Variants in NUP93 observed in about 807,000 individuals in gnomAD.
NUP93 encodes nucleoporin 93.
A neutral mutation model predicts 107.8 loss-of-function variants in NUP93; 55 were observed. The ratio of observed to expected loss-of-function variants is 0.51; its 90% CI spans 0.41 to 0.64. The LOEUF (loss-of-function observed/expected upper bound fraction) is 0.64. NUP93 is among the 30% of genes least tolerant of loss of function. NUP93 has a pLI of 0.00. For synonymous variants in NUP93, 390 were observed against 397.5 expected (o/e 0.98, Z 0.22); for missense variants, 937 against 1,044.7 (o/e 0.90, Z 1.42).
chr16:56,827,817 A>G (rs2144623044), intron 8 of NUP93, among the ~76,000 whole-genome samples: 1 of 152,272 alleles, frequency 6.6e-6, no homozygotes, highest in Middle Eastern at 3.4e-3. Context: ...GAGGCAGTAG[A>G]GTGCTTTAAA....
At chr16:56,771,077 C>T (rs1304527788) in intron 3 of NUP93, among the ~76,000 whole-genome samples, 1 of 152,128 alleles carries the variant, frequency 6.6e-6, no homozygotes, top group East Asian at 1.9e-4. Context: ...TTTCATTGTC[C>T]CCTCAAACTA....
intron 5 of NUP93, among the ~76,000 whole-genome samples, chr16:56,813,951 G>T (rs568057870): frequency 1.3e-5 from 2 of 152,222 alleles, no homozygotes; most frequent in African/African-American, 4.8e-5. Flanking sequence ...TTGCATTTAG[G>T]ACCCTAGTCC....
At chr16:56,744,981 G>A (rs1285434121) in intron 1 of NUP93, among the ~76,000 whole-genome samples, 3 of 152,166 alleles carry the variant, frequency 2.0e-5, no homozygotes, top group Non-Finnish European at 4.4e-5. Flanking sequence ...CAAAAAATGA[G>A]TACCTGCTAT....
chr16:56,762,619 A>G (rs993722068), intron 3 of NUP93, among the ~76,000 whole-genome samples: 2 of 152,238 alleles, frequency 1.3e-5, no homozygotes, highest in African/African-American at 2.4e-5. Context: ...TTGCAGAGCA[A>G]TAATAAATAA....
intron 7 of NUP93, among the ~76,000 whole-genome samples, chr16:56,822,382 T>G (rs917372606): frequency 3.3e-5 from 5 of 151,174 alleles, no homozygotes; most frequent in African/African-American, 1.2e-4. Context: ...TGTGGTGGCA[T>G]GCACCTGTAG....
Position 56,799,583 on chromosome 16 carries a change from G to A in NUP93, c.360+1045G>A, listed in dbSNP as rs111431258. Among the ~76,000 whole-genome samples the A allele has an allele frequency of 4.5e-3, 682 of 152,332 alleles. 6 individuals are homozygous for A. The highest frequency in any genetic ancestry group is 0.016 in the African/African-American group (658 of 41,574). ...GCAGCTTTCCCCAGGAAGGAGGCTG[G>A]CAGGATACATTCCATCAGCTAGCAG... On this transcript the variant is annotated intron_variant, in intron 4 of 21. Coordinates refer to ENST00000308159, the MANE Select transcript of NUP93 (RefSeq NM_014669.5).
Position 56,839,148 on chromosome 16 carries a change from A to T in NUP93, c.2136+79A>T, listed in dbSNP as rs1010839955. 4.1e-6 allele frequency: 4 copies of T among 967,464 alleles called. No individual in the cohort carries two copies. The Admixed American group carries it at 8.2e-5, about 20-fold the overall frequency. The allele number at this position is 967,464 out of a possible 1,614,324, so 59.9% of individuals were successfully genotyped here. On this transcript the variant is annotated intron_variant, in intron 19 of 21. Coordinates refer to ENST00000308159, the MANE Select transcript of NUP93 (RefSeq NM_014669.5). ...TCAAAACACTTCATGGAATTTACTT[A>T]AAACAAAGGAGCTGTTGCCAGTATG...
At chr16:56,790,364 C>G (rs1299016994) in intron 3 of NUP93, among the ~76,000 whole-genome samples, 1 of 152,166 alleles carries the variant, frequency 6.6e-6, no homozygotes. Flanking sequence ...AAAAATTTCT[C>G]TGTTCATTTT....
At position 56,768,563 on chromosome 16, in the gene NUP93, CA is replaced by C. The variant is rs1395939852; in HGVS notation, c.297+9919del. On this transcript the variant is annotated intron_variant, in intron 3 of 21. Transcript: ENST00000308159. ...GGGTGACAAAAGCAAAACTCTGTCT[CA>C]AAAAAAAAAATTTTTTTTTTTGGCC... is the stretch of plus-strand genomic sequence containing the variant. Among the ~76,000 whole-genome samples, 57 of 140,204 alleles carry C rather than the reference CA, an allele frequency of 4.1e-4. No homozygotes were observed. The East Asian group carries it at 0.01, about 26-fold the overall frequency. 92.0% of individuals were successfully genotyped at this position (140,204 alleles called of 152,430 possible). A position where few individuals can be genotyped will look rare whatever the true frequency, so the allele number is the denominator to read the frequency against.
rs1447402861 is a variant in NUP93 at position 56,847,167 on chromosome 16, A to T, written c.*2558A>T. On this transcript the variant is annotated 3_prime_UTR_variant, in exon 22 of 22. Coordinates refer to ENST00000308159, the MANE Select transcript of NUP93 (RefSeq NM_014669.5). ...GAAGGGCCAGGACTCGGATGGAGCAAATCCCAGTTCTTGTCCTACAAGCTG... is the reference window on the plus strand; with the variant it reads ...GAAGGGCCAGGACTCGGATGGAGCATATCCCAGTTCTTGTCCTACAAGCTG... 1 of 152,264 alleles carries T rather than the reference A, an allele frequency of 6.6e-6. No individual in the cohort carries two copies. The highest frequency in any genetic ancestry group is 2.4e-5 in the African/African-American group (1 of 41,468). 9.4% of individuals were successfully genotyped at this position (152,264 alleles called of 1,614,324 possible).
At chr16:56,837,549 G>T in intron 17 of NUP93, 59 bp from the exon 18 acceptor site, 1 of 1,358,958 alleles carries the variant, frequency 7.4e-7, no homozygotes, top group Non-Finnish European at 1.1e-6. Flanking sequence ...GCATTATATA[G>T]TTGTTCCTTT....
intron 3 of NUP93, among the ~76,000 whole-genome samples, chr16:56,761,800 T>G (rs1280456965): frequency 6.6e-6 from 1 of 152,238 alleles, no homozygotes; most frequent in African/African-American, 2.4e-5. Flanking sequence ...TTATATTTCC[T>G]TCTGCTTCTA....
chr16:56,774,875 G>C (rs1313952491), intron 3 of NUP93, among the ~76,000 whole-genome samples: 1 of 151,512 alleles, frequency 6.6e-6, no homozygotes, highest in East Asian at 1.9e-4. Flanking sequence ...TCAGTCACCA[G>C]ATTAAGGTTT....
intron 5 of NUP93, among the ~76,000 whole-genome samples, chr16:56,813,145 C>T (rs1164542132): frequency 6.6e-6 from 1 of 152,154 alleles, no homozygotes; most frequent in Non-Finnish European, 1.5e-5. Context: ...TAACATTCCA[C>T]ACTATGATAT....
chr16:56,764,903 T>G (rs1962190942), intron 3 of NUP93, among the ~76,000 whole-genome samples: 1 of 152,250 alleles, frequency 6.6e-6, no homozygotes, highest in Non-Finnish European at 1.5e-5. Flanking sequence ...TTTTCATCTG[T>G]TTCTGAAACT....
At chr16:56,826,207 A>T (rs1963654250) in intron 8 of NUP93, among the ~76,000 whole-genome samples, 1 of 151,930 alleles carries the variant, frequency 6.6e-6, no homozygotes, top group African/African-American at 2.4e-5. Context: ...TTCTTATCCA[A>T]CCTCTGCTTA....
chr16:56,832,427 C>T (rs1455252009), intron 12 of NUP93, 39 bp downstream of exon 12: 1 of 1,514,014 alleles, frequency 6.6e-7, no homozygotes, highest in East Asian at 2.3e-5. Context: ...CTTCTCTTGT[C>T]CACTTAAGGT....
chr16:56,801,917 A>T (rs1963028857), intron 4 of NUP93, among the ~76,000 whole-genome samples: 1 of 152,014 alleles, frequency 6.6e-6, no homozygotes, highest in South Asian at 2.1e-4. Context: ...TCTGACCCTT[A>T]CCTGATGCTG....
intron 3 of NUP93, chr16:56,783,726 G>A (rs1962564154): frequency 1.0e-6 from 1 of 985,278 alleles, no homozygotes; most frequent in Admixed American, 6.1e-5. Context: ...GAAGGCAGCT[G>A]CAAGGCCATT....
Sources: gnomAD v4.1 joint callset for allele counts (sites outside exome capture counted in the v4.1 genomes callset) on GRCh38, gnomAD v4.1.1 for gene constraint, MANE v1.5 for transcripts, NCBI Gene and HGNC (gene_info 2026-07-23, HGNC 2026-07-21) for gene names.